Variants in TNS1 observed in about 807,000 individuals in gnomAD.
TNS1 encodes tensin-1.
TNS1 carries 62 observed loss-of-function variants against 168.6 expected under a neutral mutation model. That is an observed-to-expected ratio of 0.37 (90% CI 0.30 to 0.45). TNS1 has a LOEUF of 0.45. Ranked by LOEUF, TNS1 falls within the 20% of genes least tolerant of loss-of-function variation. The pLI is 1.00. For synonymous variants in TNS1, 934 were observed against 933.2 expected (o/e 1.00, Z -0.02); for missense variants, 2,240 against 2,339.4 (o/e 0.96, Z 0.88).
At chr2:217,963,800 T>C (rs770337631) in intron 3 of TNS1, among the ~76,000 whole-genome samples, 8 of 150,150 alleles carry the variant, frequency 5.3e-5, no homozygotes, top group Non-Finnish European at 1.0e-4. Flanking sequence ...TCCTAGCACT[T>C]TGGAAGGCCT....
intron 3 of TNS1, among the ~76,000 whole-genome samples, chr2:217,965,053 A>T (rs1356416333): frequency 6.6e-6 from 1 of 152,248 alleles, no homozygotes; most frequent in Non-Finnish European, 1.5e-5. Context: ...ACACAGGGCC[A>T]GCAGGTGGCT....
At chr2:217,931,643 T>G (rs760969004) in intron 3 of TNS1, among the ~76,000 whole-genome samples, 4 of 152,192 alleles carry the variant, frequency 2.6e-5, no homozygotes, top group Non-Finnish European at 5.9e-5. Flanking sequence ...TCAACACCTG[T>G]AGAATTACTT....
At chr2:217,907,105 C>T in intron 5 of TNS1, 105 bp downstream of exon 5, 2 of 666,484 alleles carry the variant, frequency 3.0e-6, no homozygotes, top group African/African-American at 1.8e-5. Context: ...AAGCATTTCC[C>T]CAACCACATC....
At chr2:217,929,741 C>T (rs1181532979) in intron 3 of TNS1, among the ~76,000 whole-genome samples, 1 of 149,254 alleles carries the variant, frequency 6.7e-6, no homozygotes, top group East Asian at 2.0e-4. Flanking sequence ...AGCCAGAGGC[C>T]CATGTGTCTG....
At chr2:218,011,572 A>G (rs1385451866), upstream of TNS1, among the ~76,000 whole-genome samples, 1 of 151,970 alleles carries the variant, frequency 6.6e-6, no homozygotes, top group East Asian at 1.9e-4. Flanking sequence ...TTTCCAGATG[A>G]TGCTGCCTCC....
intron 32 of TNS1, among the ~76,000 whole-genome samples, chr2:217,807,394 G>C (rs1939348266): frequency 6.6e-6 from 1 of 152,216 alleles, no homozygotes; most frequent in Non-Finnish European, 1.5e-5. Flanking sequence ...AGGAGCAGCA[G>C]AGCTTTCCCT....
In TNS1 at chr2:217,880,183, A is replaced by G. The variant is rs545996470; in HGVS notation, c.1429+715T>C. On this transcript the variant is annotated intron_variant, in intron 18 of 32. Transcript: ENST00000682258. This position sits in a 1 kb window ranked among gnomAD's most constrained non-coding sequence, Gnocchi z 4.2. ...GAGCCCGCCCCACGTCTCCTTACAC[A>G]TATGCAGATAGACCACATAAATAAA... Among the ~76,000 whole-genome samples, 159 of 152,356 alleles carry G rather than the reference A, an allele frequency of 1.0e-3. No homozygotes were observed. The highest frequency in any genetic ancestry group is 1.7e-3 in the Non-Finnish European group (114 of 68,040).
upstream of TNS1, among the ~76,000 whole-genome samples, chr2:218,010,641 G>A (rs905467993): frequency 3.3e-5 from 5 of 149,446 alleles, no homozygotes; most frequent in Non-Finnish European, 5.9e-5. Context: ...GCCCGGCGCC[G>A]GGCGTCCGGC....
At chr2:217,935,909 C>T (rs555073339) in intron 3 of TNS1, among the ~76,000 whole-genome samples, 10 of 152,324 alleles carry the variant, frequency 6.6e-5, no homozygotes, top group Admixed American at 3.3e-4. Flanking sequence ...ACATGCAGAC[C>T]GTGTGGCTGC....
intron 1 of TNS1, chr2:218,010,086 C>A: frequency 2.5e-6 from 1 of 398,368 alleles, no homozygotes; most frequent in Non-Finnish European, 4.4e-6. Flanking sequence ...CCAGGTGTGG[C>A]CGAGAGCATT....
intron 3 of TNS1, among the ~76,000 whole-genome samples, chr2:217,942,398 G>C: frequency 6.6e-6 from 1 of 152,226 alleles, no homozygotes; most frequent in East Asian, 1.9e-4. Context: ...GATCCCATTC[G>C]GGTCTCTCCC....
At chr2:217,920,490 T>C (rs911130631) in intron 3 of TNS1, among the ~76,000 whole-genome samples, 1 of 151,230 alleles carries the variant, frequency 6.6e-6, no homozygotes, top group Non-Finnish European at 1.5e-5. Context: ...GTGACAAATA[T>C]GCACATGCTG....
Position 217,809,616 on chromosome 2 carries a change from C to T in TNS1, c.5273+207G>A, listed in dbSNP as rs1037758562. The T allele has an allele frequency of 2.7e-5, 11 of 403,716 alleles. 2 individuals carry two copies. The highest frequency in any genetic ancestry group is 4.3e-5 in the Non-Finnish European group (10 of 231,198). 25.0% of individuals were successfully genotyped at this position (403,716 alleles called of 1,614,324 possible). A position where few individuals can be genotyped will look rare whatever the true frequency, so the allele number is the denominator to read the frequency against. On this transcript the variant is annotated intron_variant, in intron 30 of 32. Coordinates refer to ENST00000682258, the MANE Select transcript of TNS1 (RefSeq NM_001387777.1). ...GGATGGATGGATGGATGGATGGGTG[C>T]ATGGATGGGTGCATGGATGGGTGCA...
At chr2:217,962,952 C>T (rs537347728) in intron 3 of TNS1, among the ~76,000 whole-genome samples, 12 of 152,046 alleles carry the variant, frequency 7.9e-5, no homozygotes, top group African/African-American at 2.2e-4. Flanking sequence ...TTTTGATAAC[C>T]GTGCATGGTT....
chr2:217,847,726 T>C lies in TNS1; in HGVS notation c.2791A>G (p.Asn931Asp). The change falls in exon 19 of 33, where the codon AAC becomes GAC. Residue 931 changes from asparagine to aspartate, a missense_variant. Transcript: ENST00000682258. ...YDYQPCLAGP[N>D]QDFHSKSPAS... Reference sequence around the variant, plus strand: ...GGGCTCTTTGAATGGAAATCCTGGTTAGGCCCAGCCAAACATGGCTGATAG... The same window carrying C: ...GGGCTCTTTGAATGGAAATCCTGGTCAGGCCCAGCCAAACATGGCTGATAG... The C allele has an allele frequency of 6.2e-7, 1 of 1,607,512 alleles. No homozygotes were observed. Among genetic ancestry groups the C allele is most frequent in the Non-Finnish European group, 8.5e-7 (1 of 1,174,788 alleles).
intron 3 of TNS1, among the ~76,000 whole-genome samples, chr2:217,932,113 T>G (rs1956356191): frequency 6.6e-6 from 1 of 152,212 alleles, no homozygotes; most frequent in African/African-American, 2.4e-5. Flanking sequence ...TCCAGACAGC[T>G]GTGCACTAAA....
Position 217,897,913 on chromosome 2 carries a change from A to AC in TNS1, c.427dup (p.Val143GlyfsTer16), listed in dbSNP as rs1388669027. On this transcript the variant is annotated frameshift_variant, in exon 8 of 33. Transcript: ENST00000682258. LOFTEE classifies it high-confidence loss of function. ...GGAGACAGCGATGATCCTCTCTGTG[A>AC]CGTACACCAGGTCCAGCTCACAGCT... 1 of 1,613,252 alleles carries AC rather than the reference A, an allele frequency of 6.2e-7. No individual in the cohort carries two copies. The highest frequency in any genetic ancestry group is 1.7e-5 in the Admixed American group (1 of 59,926).
At chr2:217,881,209 A>G (rs759452413) in intron 17 of TNS1, 195 bp from the exon 18 acceptor site, 167 of 578,256 alleles carry the variant, frequency 2.9e-4, no homozygotes, top group Non-Finnish European at 4.7e-4. Context: ...AGTTTCTCAC[A>G]TTCTTGAAAA....
intron 8 of TNS1, among the ~76,000 whole-genome samples, chr2:217,895,966 T>A (rs73078322): frequency 0.022 from 3,373 of 152,338 alleles, 135 homozygotes; most frequent in African/African-American, 0.077. Context: ...TTGCATCCAC[T>A]CTTGCACTCT....
Sources: gnomAD v4.1 joint callset for allele counts (sites outside exome capture counted in the v4.1 genomes callset) on GRCh38, gnomAD v4.1.1 for gene constraint, Gnocchi (gnomAD v3.1) non-coding constraint, MANE v1.5 for transcripts, NCBI Gene and HGNC (gene_info 2026-07-23, HGNC 2026-07-21) for gene names.